Variants in PTPRD observed in about 807,000 individuals in gnomAD.
PTPRD encodes the protein receptor-type tyrosine-protein phosphatase delta.
In PTPRD, 34 loss-of-function variants were observed where a neutral mutation model predicts 214.5. That is an observed-to-expected ratio of 0.16 (90% CI 0.12 to 0.21). PTPRD has a LOEUF of 0.21. Ranked by LOEUF, PTPRD falls within the 10% of genes least tolerant of loss-of-function variation. PTPRD has a pLI of 1.00. For missense variants in PTPRD, 2,545 were observed against 2,398.7 expected (o/e 1.06, Z -1.27); for synonymous variants, 1,128 against 845.7 (o/e 1.33, Z -5.79).
intron 2 of PTPRD, among the ~76,000 whole-genome samples, chr9:10,562,825 G>C (rs748501546): frequency 6.6e-6 from 1 of 152,028 alleles, no homozygotes; most frequent in African/African-American, 2.4e-5. Flanking sequence ...GCACATTGGA[G>C]ACTTAGAGTC....
chr9:10,024,646 A>T (rs1186934069), intron 4 of PTPRD, among the ~76,000 whole-genome samples: 2 of 151,876 alleles, frequency 1.3e-5, no homozygotes, highest in Non-Finnish European at 2.9e-5. Context: ...TATTATTATT[A>T]TACTTTAAGT....
intron 10 of PTPRD, among the ~76,000 whole-genome samples, chr9:9,064,110 C>T (rs550195881): frequency 9.9e-5 from 15 of 152,130 alleles, no homozygotes; most frequent in African/African-American, 3.6e-4. Context: ...TGTTATATAT[C>T]ATGTTGTAGA....
intron 3 of PTPRD, among the ~76,000 whole-genome samples, chr9:10,274,947 G>C (rs950472878): frequency 2.6e-5 from 4 of 152,112 alleles, no homozygotes; most frequent in Non-Finnish European, 5.9e-5. Context: ...ACAAAGCATT[G>C]AACAGTTCTA....
chr9:9,261,429 T>C (rs186736719), intron 9 of PTPRD, among the ~76,000 whole-genome samples: 46 of 152,038 alleles, frequency 3.0e-4, no homozygotes, highest in African/African-American at 1.1e-3. Context: ...GTAGGTACTT[T>C]ATTAATTCCA....
chr9:9,761,575 A>C (rs575689341), intron 6 of PTPRD, among the ~76,000 whole-genome samples: 2 of 152,266 alleles, frequency 1.3e-5, no homozygotes, highest in South Asian at 4.2e-4. Flanking sequence ...TCTGAACAAT[A>C]TTGGGGGTTT....
At chr9:9,374,212 A>C (rs531283056) in intron 9 of PTPRD, among the ~76,000 whole-genome samples, 1 of 152,192 alleles carries the variant, frequency 6.6e-6, no homozygotes, top group African/African-American at 2.4e-5. Flanking sequence ...AGACTGCAAA[A>C]TTCTAGATAG....
intron 11 of PTPRD, among the ~76,000 whole-genome samples, chr9:8,998,024 G>C (rs1383345861): frequency 6.6e-6 from 1 of 152,018 alleles, no homozygotes; most frequent in Admixed American, 6.6e-5. Context: ...TTGGAATCTA[G>C]CAGAAGTTGG....
At chr9:9,684,635 T>C (rs551340007) in intron 7 of PTPRD, among the ~76,000 whole-genome samples, 3 of 151,608 alleles carry the variant, frequency 2.0e-5, no homozygotes, top group South Asian at 2.1e-4. Flanking sequence ...AAGGCCTTTT[T>C]TGTTAGCAAT....
intron 9 of PTPRD, among the ~76,000 whole-genome samples, chr9:9,199,451 C>T (rs1192280102): frequency 6.6e-6 from 1 of 152,146 alleles, no homozygotes; most frequent in East Asian, 1.9e-4. Context: ...CTGTAAAATG[C>T]ATCTCTACTG....
intron 10 of PTPRD, among the ~76,000 whole-genome samples, chr9:9,046,969 AG>A (rs1217213130): frequency 6.6e-6 from 1 of 152,196 alleles, no homozygotes; most frequent in Non-Finnish European, 1.5e-5. Flanking sequence ...GAATGGAAAA[AG>A]TCAAATAATC....
chr9:10,546,008 AC>A (rs1162092091), intron 2 of PTPRD, among the ~76,000 whole-genome samples: 1 of 152,106 alleles, frequency 6.6e-6, no homozygotes, highest in African/African-American at 2.4e-5. Context: ...AAACAAAGTA[AC>A]ATTTTTTTTA....
At chr9:8,781,624 T>C (rs1051108564) in intron 11 of PTPRD, among the ~76,000 whole-genome samples, 2 of 150,588 alleles carry the variant, frequency 1.3e-5, no homozygotes, top group Non-Finnish European at 2.9e-5. Context: ...TGGAGCACTA[T>C]GCTAATATTT....
At chr9:10,567,151 G>A (rs1259145798) in intron 2 of PTPRD, among the ~76,000 whole-genome samples, 1 of 151,972 alleles carries the variant, frequency 6.6e-6, no homozygotes, top group African/African-American at 2.4e-5. Flanking sequence ...AACTACCAGT[G>A]CCTTTAAGAA....
At chr9:9,968,082 G>C (rs1490475921) in intron 4 of PTPRD, among the ~76,000 whole-genome samples, 1 of 152,108 alleles carries the variant, frequency 6.6e-6, no homozygotes, top group African/African-American at 2.4e-5. Context: ...TTACTTTAAA[G>C]ATTTTGGACT....
intron 7 of PTPRD, among the ~76,000 whole-genome samples, chr9:9,633,260 A>G (rs537818977): frequency 1.3e-5 from 2 of 152,058 alleles, no homozygotes; most frequent in African/African-American, 4.8e-5. Context: ...ACACCACTGC[A>G]TTCCACACTC....
intron 14 of PTPRD, among the ~76,000 whole-genome samples, chr9:8,550,835 C>T (rs1053685759): frequency 6.6e-6 from 1 of 152,188 alleles, no homozygotes; most frequent in Non-Finnish European, 1.5e-5. Context: ...TTTGTACAGG[C>T]CTGGGTCAGG....
chr9:10,489,000 T>A (rs560105667), intron 2 of PTPRD, among the ~76,000 whole-genome samples: 1 of 152,114 alleles, frequency 6.6e-6, no homozygotes, highest in African/African-American at 2.4e-5. Flanking sequence ...CCCTTTGTTT[T>A]TCCTTCCACT....
At chr9:10,540,585 T>G (rs1345866328) in intron 2 of PTPRD, among the ~76,000 whole-genome samples, 1 of 152,204 alleles carries the variant, frequency 6.6e-6, no homozygotes, top group Non-Finnish European at 1.5e-5. Flanking sequence ...TTTCATCCAT[T>G]CCTACATGTT....
intron 11 of PTPRD, among the ~76,000 whole-genome samples, chr9:8,818,575 G>C (rs1184128216): frequency 1.3e-5 from 2 of 152,168 alleles, no homozygotes; most frequent in African/African-American, 4.8e-5. Context: ...GACTCAGAAA[G>C]GTTAAGCAAT....
Sources: gnomAD v4.1 joint callset for allele counts (sites outside exome capture counted in the v4.1 genomes callset) on GRCh38, gnomAD v4.1.1 for gene constraint, MANE v1.5 for transcripts, NCBI Gene and HGNC (gene_info 2026-07-23, HGNC 2026-07-21) for gene names.